Variants in KIF5B observed in about 807,000 individuals in gnomAD.
The protein encoded by KIF5B is kinesin family member 5B, also known as kinesin-1 heavy chain.
Under a neutral mutation model 132.8 loss-of-function variants are expected in KIF5B, and 49 were observed. The observed-to-expected ratio is 0.37, with a 90% confidence interval of 0.29 to 0.47. KIF5B has a LOEUF of 0.47. Among genes scored for constraint, KIF5B ranks in the 20% least tolerant of loss-of-function variants. The pLI is 1.00. For missense variants in KIF5B, 780 were observed against 1,144.0 expected (o/e 0.68, Z 4.59); for synonymous variants, 355 against 369.4 (o/e 0.96, Z 0.45).
intron 15 of KIF5B, 26 bp from the exon 16 acceptor site, chr10:32,023,062 A>T (rs752050356): frequency 2.4e-5 from 34 of 1,435,226 alleles, no homozygotes; most frequent in Non-Finnish European, 3.2e-5. Flanking sequence ...AAAATAAAAA[A>T]TTAAAGCCAA....
rs183333007 is a variant in KIF5B at position 32,040,944 on chromosome 10, C to T, written c.215-487G>A. Among the ~76,000 whole-genome samples, 447 of 148,940 alleles carry T rather than the reference C, an allele frequency of 3.0e-3. 3 individuals are homozygous for T. Among genetic ancestry groups the T allele is most frequent in the African/African-American group, 6.2e-3 (252 of 40,360 alleles). On this transcript the variant is annotated intron_variant, in intron 2 of 25. Coordinates refer to ENST00000302418, the MANE Select transcript of KIF5B (RefSeq NM_004521.3). ...TGGAGGTTGCAGTGAGCCGAGATCG[C>T]GCCACTGCACTCCAGTCTGGGTGAC... is the stretch of plus-strand genomic sequence containing the variant.
At chr10:32,047,003 AT>A (rs2132614297) in intron 2 of KIF5B, among the ~76,000 whole-genome samples, 1 of 152,330 alleles carries the variant, frequency 6.6e-6, no homozygotes, top group East Asian at 1.9e-4. Flanking sequence ...CACAAAGCCT[AT>A]TTTATAATAA....
chr10:32,038,378 G>C (rs1471620835), intron 5 of KIF5B, among the ~76,000 whole-genome samples, 160 bp from the exon 6 acceptor site: 2 of 152,174 alleles, frequency 1.3e-5, no homozygotes, highest in African/African-American at 4.8e-5. Context: ...CACAGCAGGA[G>C]ATGTAAATAG....
At chr10:32,055,805 G>T (rs1268576710) in intron 1 of KIF5B, 43 bp downstream of exon 1, 1 of 1,603,170 alleles carries the variant, frequency 6.2e-7, no homozygotes, top group South Asian at 1.1e-5. Context: ...GCACAGGCCG[G>T]CCCGAAGAAG....
chr10:32,015,451 C>A, intron 25 of KIF5B, 58 bp downstream of exon 25: 7 of 1,333,308 alleles, frequency 5.3e-6, no homozygotes, highest in Non-Finnish European at 7.0e-6. Flanking sequence ...ACCAAAAAAC[C>A]TATTTAACAA....
intron 2 of KIF5B, among the ~76,000 whole-genome samples, chr10:32,042,073 C>T (rs574350482): frequency 6.6e-6 from 1 of 152,124 alleles, no homozygotes; most frequent in South Asian, 2.1e-4. Flanking sequence ...AAGAAAGGTA[C>T]TATGAAATTA....
At chr10:32,046,550 C>G (rs1338526456) in intron 2 of KIF5B, among the ~76,000 whole-genome samples, 1 of 152,106 alleles carries the variant, frequency 6.6e-6, no homozygotes, top group African/African-American at 2.4e-5. Context: ...CCTCTCAGCT[C>G]CTTGACCAAA....
At chr10:32,038,059 GA>G in intron 6 of KIF5B, 103 bp downstream of exon 6, 1 of 617,238 alleles carries the variant, frequency 1.6e-6, no homozygotes, top group Non-Finnish European at 2.8e-6. Flanking sequence ...GCAGTGAGCC[GA>G]GATTGCACCA....
chr10:32,035,221 G>A (rs938361215), intron 10 of KIF5B, among the ~76,000 whole-genome samples: 1 of 152,186 alleles, frequency 6.6e-6, no homozygotes, highest in Non-Finnish European at 1.5e-5. Flanking sequence ...AGGCTTAACA[G>A]AGGATTATGT....
chr10:32,042,064 A>T (rs1460451433), intron 2 of KIF5B, among the ~76,000 whole-genome samples: 3 of 152,208 alleles, frequency 2.0e-5, no homozygotes, highest in African/African-American at 7.2e-5. Context: ...TTTGGTGACA[A>T]GAAAGGTACT....
At chr10:32,017,077 C>A in intron 24 of KIF5B, 66 bp downstream of exon 24, 1 of 1,326,794 alleles carries the variant, frequency 7.5e-7, no homozygotes, top group Non-Finnish European at 1.1e-6. Context: ...ATTCGGATTA[C>A]GTTTTCCACT....
At chr10:32,036,829 G>A (rs975014139) in intron 8 of KIF5B, among the ~76,000 whole-genome samples, 3 of 152,160 alleles carry the variant, frequency 2.0e-5, no homozygotes, top group Non-Finnish European at 2.9e-5. Context: ...GTATAGAATT[G>A]TAATAATGAA....
chr10:32,022,980 A>C lies in KIF5B; in HGVS notation c.1782T>G (p.Ile594Met). The C allele has an allele frequency of 6.2e-7, 1 of 1,613,234 alleles. No homozygotes were observed. The highest frequency in any genetic ancestry group is 8.5e-7 in the Non-Finnish European group (1 of 1,179,428). The change falls in exon 16 of 26, where the codon ATT (isoleucine) becomes ATG (methionine). Residue 594 changes from isoleucine to methionine, a missense_variant. Around this residue, in one of 9 missense-constraint regions of KIF5B, gnomAD observed 471 missense variants for 569.9 expected, o/e 0.83. Coordinates refer to ENST00000302418, the MANE Select transcript of KIF5B (RefSeq NM_004521.3). ...DEEFTVARLY[I>M]SKMKSEVKTM... ...TTTTTACTTCTGACTTCATTTTGCT[A>C]ATGTAGAGTCTTGCAACAGTGAACT...
intron 20 of KIF5B, among the ~76,000 whole-genome samples, chr10:32,019,651 A>G (rs1990273884): frequency 6.6e-6 from 1 of 152,216 alleles, no homozygotes; most frequent in Non-Finnish European, 1.5e-5. Flanking sequence ...CTTAACCACA[A>G]TGAAATATAA....
chr10:32,010,091 T>G lies in KIF5B; in HGVS notation c.*1446A>C, dbSNP rs540070395. 3 of 152,174 alleles carry G rather than the reference T, an allele frequency of 2.0e-5. No homozygotes were observed. Among genetic ancestry groups the G allele is most frequent in the Non-Finnish European group, 2.9e-5 (2 of 68,016 alleles). The allele number at this position is 152,174 out of a possible 1,614,324, so 9.4% of individuals were successfully genotyped here. ...ATACAAATATCTGTGTATAAAACTT[T>G]TGCAAAAAGTTAATTCTGCCAGCAA... On this transcript the variant is annotated 3_prime_UTR_variant, in exon 26 of 26. Transcript: ENST00000302418.
rs74333355 is a variant in KIF5B, at chr10:32,055,668, G to A, written c.126+180C>T. ...CGAAGACTGGGGTGGGGGCGATCCA[G>A]GAACGCACGCGAGGCTGCGCAGTCT... On this transcript the variant is annotated intron_variant, in intron 1 of 25. Coordinates refer to ENST00000302418, the MANE Select transcript of KIF5B (RefSeq NM_004521.3). 6.2e-3 allele frequency among the ~76,000 whole-genome samples: 949 copies of A among 152,324 alleles called. 15 individuals carry two copies. Among genetic ancestry groups the A allele is most frequent in the African/African-American group, 0.021 (887 of 41,574 alleles).
intron 17 of KIF5B, among the ~76,000 whole-genome samples, chr10:32,021,607 A>ACC (rs1211463810): frequency 4.9e-4 from 72 of 148,338 alleles, no homozygotes; most frequent in Admixed American, 2.0e-3. Flanking sequence ...ACACACACAC[A>ACC]CCCCGCTTCG....
At chr10:32,037,097 A>G (rs1592448972) in intron 8 of KIF5B, among the ~76,000 whole-genome samples, 157 bp downstream of exon 8, 1 of 152,242 alleles carries the variant, frequency 6.6e-6, no homozygotes, top group South Asian at 2.1e-4. Flanking sequence ...TATTCAGCTG[A>G]TATCATCATA....
chr10:32,019,501 A>G (rs1841228940), intron 20 of KIF5B, among the ~76,000 whole-genome samples: 1 of 152,234 alleles, frequency 6.6e-6, no homozygotes, highest in African/African-American at 2.4e-5. Flanking sequence ...AGAAAATTTA[A>G]CAAAAACTCA....
Sources: allele counts gnomAD v4.1 joint callset (sites outside exome capture counted in the v4.1 genomes callset), GRCh38; gene constraint gnomAD v4.1.1; regional missense constraint gnomAD v4.1.1; transcripts MANE v1.5; gene names NCBI Gene and HGNC (gene_info 2026-07-23, HGNC 2026-07-21).